COX6C: variants seen among roughly 807,000 people sequenced by gnomAD.
COX6C encodes the protein cytochrome c oxidase subunit 6C.
A neutral mutation model predicts 6.9 loss-of-function variants in COX6C; 3 were observed. That is an observed-to-expected ratio of 0.43 (90% CI 0.20 to 1.12). The LOEUF (loss-of-function observed/expected upper bound fraction) is 1.12, where lower values mean the gene tolerates loss of function less well. Ranked by LOEUF, COX6C falls within the 50% of genes most tolerant of loss-of-function variation. The probability of loss-of-function intolerance (pLI) is 0.27; values close to 1 mark genes in which losing one functional copy is unlikely to be tolerated. For synonymous variants in COX6C, 32 were observed against 32.0 expected (o/e 1.00, Z 0.00); for missense variants, 101 against 97.3 (o/e 1.04, Z -0.16).
At chr8:99,879,259 A>T (rs1260994158) in intron 3 of COX6C, among the ~76,000 whole-genome samples, 2 of 152,232 alleles carry the variant, frequency 1.3e-5, no homozygotes, top group Non-Finnish European at 2.9e-5. Flanking sequence ...CACACTGTCC[A>T]TGAGGCATAA....
chr8:99,888,543 T>C lies in COX6C; in HGVS notation c.115-925A>G, dbSNP rs1050504594. On this transcript the variant is annotated intron_variant, in intron 2 of 3. Coordinates refer to ENST00000520468, the MANE Select transcript of COX6C (RefSeq NM_004374.4). ...GAGCCGAGATGGTGACGCTGCACTCTAGCCTGGGTGACAGAGCAAGACTCC... is the reference window on the plus strand; with the variant it reads ...GAGCCGAGATGGTGACGCTGCACTCCAGCCTGGGTGACAGAGCAAGACTCC... Among the ~76,000 whole-genome samples the C allele has an allele frequency of 4.7e-4, 72 of 151,976 alleles. 2 individuals are homozygous for C. The highest frequency in any genetic ancestry group is 1.6e-3 in the African/African-American group (68 of 41,368).
At chr8:99,888,346 G>A (rs1817975977) in intron 2 of COX6C, among the ~76,000 whole-genome samples, 1 of 152,068 alleles carries the variant, frequency 6.6e-6, no homozygotes, top group Admixed American at 6.6e-5. Flanking sequence ...GCCAAGGGGG[G>A]CGAATCACAA....
At chr8:99,881,367 A>G (rs1165958433) in intron 3 of COX6C, among the ~76,000 whole-genome samples, 1 of 152,148 alleles carries the variant, frequency 6.6e-6, no homozygotes, top group African/African-American at 2.4e-5. Context: ...CTCTTAAAAA[A>G]AAAAAAAAAA....
rs1158203328 is a variant in COX6C at position 99,883,409 on chromosome 8, ATATGTGTGTGTGTGTATATATG to A, written c.*15+4059_*15+4080del. Among the ~76,000 whole-genome samples, 8 of 150,826 alleles carry A rather than the reference ATATGTGTGTGTGTGTATATATG, an allele frequency of 5.3e-5. No individual in the cohort carries two copies. In the South Asian group the frequency reaches 8.3e-4, roughly 16 times the overall value. ...TATATATATCTGTGTGTGTGTATATATATGTGTGTGTGTGTATATATGTATGTGTGTGTGTGTGTGTGTGTAT... is the reference window on the plus strand; with the variant it reads ...TATATATATCTGTGTGTGTGTATATATATGTGTGTGTGTGTGTGTGTGTAT... On this transcript the variant is annotated intron_variant, in intron 3 of 3. Transcript: ENST00000520468.
intron 2 of COX6C, 48 bp from the exon 3 acceptor site, chr8:99,887,666 TTAGA>T: frequency 7.9e-7 from 1 of 1,260,532 alleles, no homozygotes; most frequent in Non-Finnish European, 1.1e-6. Flanking sequence ...TTACTGGAAA[TTAGA>T]TTCCAGATTA....
chr8:99,891,941 G>C lies in COX6C; in HGVS notation c.81C>G (p.Phe27Leu). The C allele has an allele frequency of 6.2e-7, 1 of 1,614,100 alleles. No individual in the cohort carries two copies. Among genetic ancestry groups the C allele is most frequent in the Non-Finnish European group, 8.5e-7 (1 of 1,180,016 alleles). The change falls in exon 2 of 4, where the codon TTC (phenylalanine) becomes TTG (leucine). Residue 27 changes from phenylalanine (F) to leucine (L), a missense_variant. Transcript: ENST00000520468. ...AAGCTGCAACCCCCAGGGATAGCACGAATGCTACAGCCATATGATTTCGCA... is the reference window on the plus strand; with the variant it reads ...AAGCTGCAACCCCCAGGGATAGCACCAATGCTACAGCCATATGATTTCGCA... ...RRLRNHMAVA[F>L]VLSLGVAALY...
intron 3 of COX6C, among the ~76,000 whole-genome samples, chr8:99,883,429 A>ATG (rs34907198): frequency 0.11 from 15,992 of 144,626 alleles, 1,067 homozygotes; most frequent in African/African-American, 0.18. Context: ...GTGTGTATAT[A>ATG]TGTATGTGTG....
At chr8:99,890,379 C>T (rs1005278048) in intron 2 of COX6C, among the ~76,000 whole-genome samples, 20 of 152,304 alleles carry the variant, frequency 1.3e-4, no homozygotes, top group Non-Finnish European at 2.6e-4. Context: ...TTCTATCTTG[C>T]AATGTCTTCT....
chr8:99,890,179 T>A (rs1173058141), intron 2 of COX6C, among the ~76,000 whole-genome samples: 1 of 151,876 alleles, frequency 6.6e-6, no homozygotes, highest in Non-Finnish European at 1.5e-5. Context: ...CCCAGGCTGG[T>A]CTTGAACTCG....
chr8:99,887,989 G>A (rs750325463), intron 2 of COX6C, among the ~76,000 whole-genome samples: 9 of 151,488 alleles, frequency 5.9e-5, no homozygotes, highest in Non-Finnish European at 1.3e-4. Context: ...TACTCGGGAG[G>A]CTGAGGCAGG....
chr8:99,881,178 G>A (rs1050002932), intron 3 of COX6C, among the ~76,000 whole-genome samples: 6 of 152,082 alleles, frequency 3.9e-5, no homozygotes, highest in Non-Finnish European at 5.9e-5. Flanking sequence ...TGGCCAACAC[G>A]GTGAAATCCC....
At chr8:99,888,955 G>C (rs1817989716) in intron 2 of COX6C, among the ~76,000 whole-genome samples, 1 of 152,206 alleles carries the variant, frequency 6.6e-6, no homozygotes, top group African/African-American at 2.4e-5. Context: ...GTGGGGGCCT[G>C]TTAGCAGGAC....
chr8:99,881,891 C>T (rs935364405), intron 3 of COX6C, among the ~76,000 whole-genome samples: 5 of 152,084 alleles, frequency 3.3e-5, no homozygotes, highest in Admixed American at 6.5e-5. Context: ...TGAAAGTGAA[C>T]GGGTAGAAAA....
intron 3 of COX6C, among the ~76,000 whole-genome samples, chr8:99,882,083 A>G (rs1384666450): frequency 6.6e-6 from 1 of 152,216 alleles, no homozygotes. Flanking sequence ...AGCTCTAAAT[A>G]TATGAAGCAA....
intron 3 of COX6C, among the ~76,000 whole-genome samples, chr8:99,884,876 T>C (rs1439525660): frequency 6.6e-6 from 1 of 152,194 alleles, no homozygotes; most frequent in Non-Finnish European, 1.5e-5. Flanking sequence ...ACATCCTGTG[T>C]TCATGGATTG....
rs1818060401 is a variant in COX6C at position 99,891,975 on chromosome 8, G to A, written c.47C>T (p.Ala16Val). 1 of 1,613,826 alleles carries A rather than the reference G, an allele frequency of 6.2e-7. No homozygotes were observed. Among genetic ancestry groups the A allele is most frequent in the Non-Finnish European group, 8.5e-7 (1 of 1,179,970 alleles). The stretch of plus-strand genomic sequence containing the variant: ...AGCCATATGATTTCGCAGACGCCTG[G>A]CCAGAAGGCCACGCATCCGAGGTTT... The part of the protein sequence containing the change: ...LPKPRMRGLL[A>V]RRLRNHMAVA... The change falls in exon 2 of 4, where the codon GCC becomes GTC. Residue 16 changes from alanine to valine, a missense_variant. Transcript: ENST00000520468.
Position 99,893,691 on chromosome 8 carries a change from G to A in COX6C, c.-84C>T, listed in dbSNP as rs1361442613. The A allele has an allele frequency of 1.3e-5, 2 of 152,300 alleles. No individual in the cohort carries two copies. Among genetic ancestry groups the A allele is most frequent in the Admixed American group, 6.5e-5 (1 of 15,292 alleles). 9.4% of individuals were successfully genotyped at this position (152,300 alleles called of 1,614,324 possible). The stretch of plus-strand genomic sequence containing the variant: ...AGGAAAAACGAACCGTGCTGTAGCC[G>A]CGCGCAGGCGCAGAATAAGAGTGCA... On this transcript the variant is annotated 5_prime_UTR_variant, in exon 1 of 4. Transcript: ENST00000520468.
chr8:99,886,729 C>T (rs754682542), intron 3 of COX6C, among the ~76,000 whole-genome samples: 16 of 152,286 alleles, frequency 1.1e-4, no homozygotes, highest in East Asian at 3.9e-4. Context: ...GAGTACACTA[C>T]GCTAAGTGAA....
At chr8:99,888,293 T>C (rs1353170591) in intron 2 of COX6C, among the ~76,000 whole-genome samples, 3 of 151,818 alleles carry the variant, frequency 2.0e-5, no homozygotes, top group Non-Finnish European at 4.4e-5. Flanking sequence ...GAGGCAGAGG[T>C]CGGGCGTGGT....
Sources: allele counts gnomAD v4.1 joint callset (sites outside exome capture counted in the v4.1 genomes callset), GRCh38; gene constraint gnomAD v4.1.1; transcripts MANE v1.5; gene names NCBI Gene and HGNC (gene_info 2026-07-23, HGNC 2026-07-21).